Variants in TMEM245 observed in about 807,000 individuals in gnomAD.
TMEM245 encodes protein CG-2.
A neutral mutation model predicts 101.2 loss-of-function variants in TMEM245; 69 were observed. The ratio of observed to expected loss-of-function variants is 0.68; its 90% CI spans 0.56 to 0.83. The LOEUF is 0.83. Ranked by LOEUF, TMEM245 falls within the 40% of genes least tolerant of loss-of-function variation. TMEM245 has a pLI of 0.00. For missense variants in TMEM245, 1,075 were observed against 1,092.8 expected, an observed-to-expected ratio of 0.98 and a Z score of 0.23; for synonymous variants, 537 against 449.8, an observed-to-expected ratio of 1.19 and a Z score of -2.45.
intron 1 of TMEM245, 55 bp downstream of exon 1, chr9:109,119,280 C>T (rs773489344): frequency 7.6e-5 from 112 of 1,482,800 alleles, no homozygotes; most frequent in Non-Finnish European, 9.7e-5. Context: ...CAGGATTGCA[C>T]CCCAGAGCGC....
chr9:109,111,902 A>T (rs909159479), intron 1 of TMEM245, among the ~76,000 whole-genome samples: 1 of 152,210 alleles, frequency 6.6e-6, no homozygotes, highest in African/African-American at 2.4e-5. Context: ...GTTTTATTAC[A>T]GGTGCTCAAT....
intron 17 of TMEM245, among the ~76,000 whole-genome samples, chr9:109,025,353 G>A (rs1268890870): frequency 6.6e-6 from 1 of 152,184 alleles, no homozygotes; most frequent in East Asian, 1.9e-4. Context: ...TTACAGGCAT[G>A]AGCCACTGTG....
chr9:109,033,679 T>C (rs931816174), intron 16 of TMEM245, among the ~76,000 whole-genome samples, 178 bp from the exon 17 acceptor site: 1 of 134,102 alleles, frequency 7.5e-6, no homozygotes, highest in African/African-American at 2.9e-5. Context: ...TGCAACAATA[T>C]TGAGATGCAA....
Position 109,119,631 on chromosome 9 carries a change from G to A in TMEM245, c.283C>T (p.His95Tyr), listed in dbSNP as rs748129198. Reference protein sequence around the residue: ...LWAVLCGTFLHPFKSSLTRLG... With the variant: ...LWAVLCGTFLYPFKSSLTRLG... ...CGCGTCAGCGAGCTCTTGAAGGGGTGCAGAAAAGTGCCGCATAGCACGGCC... is the reference window on the plus strand; with the variant it reads ...CGCGTCAGCGAGCTCTTGAAGGGGTACAGAAAAGTGCCGCATAGCACGGCC... The change falls in exon 1 of 18, where the codon CAC becomes TAC. Residue 95 changes from histidine (H) to tyrosine (Y), a missense_variant. Physicochemically the swap from His to Tyr is moderately conservative, Grantham distance 83 (BLOSUM62 2). Around this residue, in one of 2 missense-constraint regions of TMEM245, gnomAD observed 808 missense variants for 741.5 expected, o/e 1.09. Coordinates refer to ENST00000374586, the MANE Select transcript of TMEM245 (RefSeq NM_032012.4). 1.3e-6 allele frequency: 2 copies of A among 1,563,046 alleles called. No homozygotes were observed. The highest frequency in any genetic ancestry group is 8.6e-7 in the Non-Finnish European group (1 of 1,157,038).
At chr9:109,029,474 A>G (rs907595524) in intron 17 of TMEM245, among the ~76,000 whole-genome samples, 10 of 152,348 alleles carry the variant, frequency 6.6e-5, no homozygotes, top group African/African-American at 2.4e-4. Flanking sequence ...CCAGAAAACA[A>G]TGAAGAAATA....
intron 14 of TMEM245, among the ~76,000 whole-genome samples, chr9:109,041,452 A>ATT (rs1475469527): frequency 1.3e-4 from 17 of 129,564 alleles, no homozygotes; most frequent in African/African-American, 5.5e-4. Flanking sequence ...CCATCCTACA[A>ATT]ATTTTTTTTT....
intron 6 of TMEM245, among the ~76,000 whole-genome samples, 161 bp downstream of exon 6, chr9:109,087,012 T>G (rs77035804): frequency 6.6e-6 from 1 of 152,316 alleles, no homozygotes; most frequent in East Asian, 1.9e-4. Flanking sequence ...ACCCATCTTA[T>G]CCTTGTGTAA....
chr9:109,086,066 G>C (rs1411758801), intron 6 of TMEM245, 46 bp from the exon 7 acceptor site: 2 of 1,592,628 alleles, frequency 1.3e-6, no homozygotes, highest in Non-Finnish European at 1.7e-6. Flanking sequence ...AAGAACAGTG[G>C]AGTATCATTA....
intron 9 of TMEM245, among the ~76,000 whole-genome samples, chr9:109,069,366 C>G (rs1373623076): frequency 6.6e-6 from 1 of 152,154 alleles, no homozygotes; most frequent in African/African-American, 2.4e-5. Flanking sequence ...GGTCTATCAT[C>G]CTATGAAAGG....
chr9:109,040,631 C>CA (rs1284486558), intron 14 of TMEM245, among the ~76,000 whole-genome samples: 2 of 152,186 alleles, frequency 1.3e-5, no homozygotes, highest in Non-Finnish European at 2.9e-5. Flanking sequence ...ATCCATGGCA[C>CA]AATATTTAGC....
At chr9:109,106,978 T>C (rs1830444096) in intron 2 of TMEM245, among the ~76,000 whole-genome samples, 1 of 152,136 alleles carries the variant, frequency 6.6e-6, no homozygotes, top group Non-Finnish European at 1.5e-5. Flanking sequence ...CCATAAAGTC[T>C]GCCTTGGTTT....
chr9:109,015,695 T>A lies in TMEM245; in HGVS notation c.*4765A>T, dbSNP rs1827420300. 1.3e-5 allele frequency: 2 copies of A among 152,592 alleles called. No individual in the cohort carries two copies. Among genetic ancestry groups the A allele is most frequent in the African/African-American group, 4.8e-5 (2 of 41,428 alleles). 9.5% of individuals were successfully genotyped at this position (152,592 alleles called of 1,614,324 possible). On this transcript the variant is annotated 3_prime_UTR_variant, in exon 18 of 18. Coordinates refer to ENST00000374586, the MANE Select transcript of TMEM245 (RefSeq NM_032012.4). ...GCTCCATCATTTTGTGGTATAAACT[T>A]AGGGGAATATCACCAAAAACTTTTC... is the stretch of plus-strand genomic sequence containing the variant.
intron 11 of TMEM245, among the ~76,000 whole-genome samples, chr9:109,057,734 G>C (rs1828882084): frequency 6.6e-6 from 1 of 152,030 alleles, no homozygotes; most frequent in African/African-American, 2.4e-5. Flanking sequence ...CTGGGTGACA[G>C]AGCAAGACTC....
In TMEM245 at chr9:109,119,469, G is replaced by A. The variant is rs1020425903; in HGVS notation, c.445C>T (p.Leu149Phe). The change falls in exon 1 of 18, where the codon CTC becomes TTC. Residue 149 changes from leucine to phenylalanine, a missense_variant. By Grantham distance (22) the Leu-to-Phe change is conservative. Coordinates refer to ENST00000374586, the MANE Select transcript of TMEM245 (RefSeq NM_032012.4). The stretch of plus-strand genomic sequence containing the variant: ...GGGCCGCCGGCGCCGAGCAGCAGGA[G>A]CAGGCGGCGGCGGCGCAGCGCCTGC... The part of the protein sequence containing the change: ...GEQALRRRRL[L>F]LLLGAGGPLL... 2.4e-5 allele frequency: 36 copies of A among 1,489,994 alleles called. No individual in the cohort carries two copies. In the Admixed American group the frequency reaches 6.6e-4, roughly 27 times the overall value. The allele number at this position is 1,489,994 out of a possible 1,614,324, so 92.3% of individuals were successfully genotyped here.
chr9:109,108,399 C>T, intron 2 of TMEM245, 54 bp downstream of exon 2: 2 of 1,016,044 alleles, frequency 2.0e-6, no homozygotes, highest in African/African-American at 3.4e-5. Context: ...CAGTCAGCCT[C>T]TGCTGACCTT....
At position 109,018,136 on chromosome 9, in the gene TMEM245, C is replaced by G. The variant is rs998831896; in HGVS notation, c.*2324G>C. On this transcript the variant is annotated 3_prime_UTR_variant, in exon 18 of 18. Coordinates refer to ENST00000374586, the MANE Select transcript of TMEM245 (RefSeq NM_032012.4). ...AAGAAACATTAGCTGTAGTTTTTTGCAATATCACTTTATACAGCTAAAATC... is the reference window on the plus strand; with the variant it reads ...AAGAAACATTAGCTGTAGTTTTTTGGAATATCACTTTATACAGCTAAAATC... 5 of 152,118 alleles carry G rather than the reference C, an allele frequency of 3.3e-5. No homozygotes were observed. The East Asian group carries it at 7.7e-4, about 23-fold the overall frequency. 9.4% of individuals were successfully genotyped at this position (152,118 alleles called of 1,614,324 possible).
intron 12 of TMEM245, among the ~76,000 whole-genome samples, chr9:109,052,152 A>C (rs917761598): frequency 6.6e-6 from 1 of 152,206 alleles, no homozygotes. Context: ...TATCTGTTCT[A>C]TTCTTCCTAA....
intron 12 of TMEM245, among the ~76,000 whole-genome samples, chr9:109,053,080 T>G (rs561151646): frequency 1.4e-3 from 213 of 152,266 alleles, no homozygotes; most frequent in African/African-American, 5.1e-3. Flanking sequence ...GCAGGCACAA[T>G]AGCAAGGCCC....
At chr9:109,038,157 G>A (rs1423683285) in intron 14 of TMEM245, 40 bp from the exon 15 acceptor site, 3 of 1,479,464 alleles carry the variant, frequency 2.0e-6, no homozygotes, top group Non-Finnish European at 2.8e-6. Context: ...TAAATAAACA[G>A]TGTCATATCG....
Sources: gnomAD v4.1 joint callset for allele counts (sites outside exome capture counted in the v4.1 genomes callset) on GRCh38, gnomAD v4.1.1 for gene constraint, gnomAD v4.1.1 regional missense constraint, MANE v1.5 for transcripts, NCBI Gene and HGNC (gene_info 2026-07-23, HGNC 2026-07-21) for gene names.